XPNPEP1: variants seen among roughly 807,000 people sequenced by gnomAD.
XPNPEP1 encodes the protein X-prolyl aminopeptidase 1.
In XPNPEP1, 39 loss-of-function variants were observed where a neutral mutation model predicts 92.4. The observed-to-expected ratio is 0.42, with a 90% CI of 0.33 to 0.55. The LOEUF (loss-of-function observed/expected upper bound fraction) is 0.55, where lower values mean the gene tolerates loss of function less well. XPNPEP1 is among the 20% of genes least tolerant of loss of function. The pLI, the probability that XPNPEP1 is intolerant of heterozygous loss-of-function variation, is 0.08. For missense variants in XPNPEP1, 654 were observed against 856.1 expected (o/e 0.76, Z 2.95); for synonymous variants, 307 against 299.4 (o/e 1.03, Z -0.26).
chr10:109,896,085 C>T (rs1394427572), intron 3 of XPNPEP1, among the ~76,000 whole-genome samples: 1 of 152,152 alleles, frequency 6.6e-6, no homozygotes, highest in Non-Finnish European at 1.5e-5. Flanking sequence ...TGCCTCAAGG[C>T]CTTGGCACAT....
intron 3 of XPNPEP1, among the ~76,000 whole-genome samples, chr10:109,900,762 A>T (rs1849244391): frequency 6.6e-6 from 1 of 152,026 alleles, no homozygotes; most frequent in Non-Finnish European, 1.5e-5. Flanking sequence ...GTCACTCTAA[A>T]ATCCTGATTC....
At chr10:109,882,311 C>T in intron 10 of XPNPEP1, 121 bp downstream of exon 10, 1 of 1,159,098 alleles carries the variant, frequency 8.6e-7, no homozygotes, top group Admixed American at 2.4e-5. Context: ...AAGGCCTCAT[C>T]CATGGAGACC....
intron 1 of XPNPEP1, among the ~76,000 whole-genome samples, chr10:109,921,312 A>T (rs1850525364): frequency 1.3e-5 from 2 of 152,160 alleles, no homozygotes; most frequent in African/African-American, 4.8e-5. Context: ...CAGCCTCCCA[A>T]CATCCAGCTC....
At chr10:109,918,634 G>A (rs570224572) in intron 1 of XPNPEP1, among the ~76,000 whole-genome samples, 2 of 151,616 alleles carry the variant, frequency 1.3e-5, no homozygotes, top group East Asian at 1.9e-4. Flanking sequence ...GGTGGCGGGC[G>A]CATGTAGTCC....
intron 9 of XPNPEP1, 73 bp downstream of exon 9, chr10:109,883,994 C>A: frequency 7.2e-7 from 1 of 1,386,536 alleles, no homozygotes. Flanking sequence ...ATGGGTGGGC[C>A]AGGACCAGAA....
At position 109,867,751 on chromosome 10, in the gene XPNPEP1, G is replaced by A. The variant is rs941536367; in HGVS notation, c.1872+863C>T. Reference sequence around the variant, plus strand: ...ATTCTTATTCCGAGAGTAACCCACCGTGCTTACCCTGCCTTCGGCTCCCAC... The same window carrying A: ...ATTCTTATTCCGAGAGTAACCCACCATGCTTACCCTGCCTTCGGCTCCCAC... On this transcript the variant is annotated intron_variant, in intron 20 of 20. Transcript: ENST00000502935. The surrounding 1 kb of genome is among the most constrained non-coding windows in gnomAD (Gnocchi z 4.5). Among the ~76,000 whole-genome samples, 3 of 152,216 alleles carry A rather than the reference G, an allele frequency of 2.0e-5. No homozygotes were observed. Among genetic ancestry groups the A allele is most frequent in the African/African-American group, 4.8e-5 (2 of 41,460 alleles).
chr10:109,871,477 A>G (rs1192908668), intron 17 of XPNPEP1, among the ~76,000 whole-genome samples: 1 of 152,200 alleles, frequency 6.6e-6, no homozygotes, highest in African/African-American at 2.4e-5. Flanking sequence ...GGCTGCACCA[A>G]CTTCCACTCA....
In XPNPEP1 at chr10:109,867,346, T is replaced by C. The variant is rs978687763; in HGVS notation, c.1872+1268A>G. Among the ~76,000 whole-genome samples, 3 of 152,236 alleles carry C rather than the reference T, an allele frequency of 2.0e-5. No individual in the cohort carries two copies. Among genetic ancestry groups the C allele is most frequent in the African/African-American group, 4.8e-5 (2 of 41,458 alleles). On this transcript the variant is annotated intron_variant, in intron 20 of 20. Coordinates refer to ENST00000502935, the MANE Select transcript of XPNPEP1 (RefSeq NM_020383.4). This position sits in a 1 kb window ranked among gnomAD's most constrained non-coding sequence, Gnocchi z 4.5. ...AGAGACACACCAGACATTGTGCTGA[T>C]AGGCTGAGTTTCCTTTTCCATATCC...
chr10:109,896,694 T>C (rs1246095624), intron 3 of XPNPEP1, among the ~76,000 whole-genome samples: 1 of 151,976 alleles, frequency 6.6e-6, no homozygotes, highest in African/African-American at 2.4e-5. Context: ...TCAGCACAGG[T>C]GACTAGATCC....
In XPNPEP1 at chr10:109,886,252, T is replaced by C; in HGVS notation, c.742A>G (p.Ile248Val). Reference sequence around the variant, plus strand: ...GCGAAACCAGAGCACTCACACGCAATCTCATCCAAGGCAGTGACCACAAAC... The same window carrying C: ...GCGAAACCAGAGCACTCACACGCAACCTCATCCAAGGCAGTGACCACAAAC... ...MWFVVTALDE[I>V]AWLFNLRGSD... is the part of the protein sequence containing the mutation. The change falls in exon 8 of 21, where the codon ATT (isoleucine) becomes GTT (valine). Residue 248 changes from isoleucine (I) to valine (V), a missense_variant. By Grantham distance (29) the Ile-to-Val change is conservative (BLOSUM62 3). Transcript: ENST00000502935. 5.6e-6 allele frequency: 9 copies of C among 1,614,070 alleles called. No individual in the cohort carries two copies. The highest frequency in any genetic ancestry group is 7.6e-6 in the Non-Finnish European group (9 of 1,179,992).
intron 13 of XPNPEP1, 33 bp from the exon 14 acceptor site, chr10:109,877,900 A>C: frequency 6.2e-7 from 1 of 1,614,194 alleles, no homozygotes. Flanking sequence ...AGAGTGGCTT[A>C]AAGGTTTTTA....
At chr10:109,893,626 C>CT (rs1848821450) in intron 3 of XPNPEP1, 1 of 152,698 alleles carries the variant, frequency 6.5e-6, no homozygotes, top group South Asian at 2.1e-4. Context: ...ATCCAGGAGG[C>CT]TTCAGCAAAA....
chr10:109,880,799 G>T, intron 11 of XPNPEP1, 43 bp downstream of exon 11: 2 of 1,595,782 alleles, frequency 1.3e-6, no homozygotes, highest in South Asian at 2.2e-5. Flanking sequence ...CGGGCCTTCT[G>T]ACCACCTCAC....
chr10:109,876,371 A>C (rs932128967), intron 14 of XPNPEP1: 5 of 152,208 alleles, frequency 3.3e-5, no homozygotes, highest in African/African-American at 1.2e-4. Flanking sequence ...TCCACACACA[A>C]GCTGAACAAC....
intron 1 of XPNPEP1, among the ~76,000 whole-genome samples, chr10:109,918,739 C>T (rs1177877636): frequency 6.7e-6 from 1 of 149,066 alleles, no homozygotes; most frequent in Non-Finnish European, 1.5e-5. Context: ...CCAGCCTGGG[C>T]GACAGAGCAA....
At position 109,875,580 on chromosome 10, in the gene XPNPEP1, T is replaced by C. The variant is rs775738875; in HGVS notation, c.1339A>G (p.Arg447Gly). The change falls in exon 15 of 21, where the codon AGG becomes GGG. Residue 447 changes from arginine (R) to glycine (G), a missense_variant. Physicochemically the swap from Arg to Gly is moderately radical, Grantham distance 125. Transcript: ENST00000502935. ...IHYAPVPETN[R>G]TLSLDEVYLI... ...TACACCTCATCCAGGGACAAGGTCC[T>C]ATTCGTCTCAGGGACTGGCCTAACA... 6.2e-7 allele frequency: 1 copy of C among 1,614,184 alleles called. No individual in the cohort carries two copies. The highest frequency in any genetic ancestry group is 1.7e-5 in the Admixed American group (1 of 60,034).
chr10:109,900,841 C>T (rs1171296016), intron 3 of XPNPEP1, among the ~76,000 whole-genome samples: 1 of 152,192 alleles, frequency 6.6e-6, no homozygotes, highest in African/African-American at 2.4e-5. Context: ...CCACTGTTCT[C>T]CCTTCTTCAA....
rs1224100971 is a variant in XPNPEP1 at position 109,888,512 on chromosome 10, T to C, written c.499A>G (p.Ile167Val). Residue 167 changes from isoleucine to valine, a missense_variant, in exon 6 of 21, where the codon ATT (isoleucine) becomes GTT (valine). Physicochemically the swap from Ile to Val is conservative, Grantham distance 29 (BLOSUM62 3). Transcript: ENST00000502935. ...GSRVGVDPLI[I>V]PTDYWKKMAK... ...GACCAAGCTCACTTACCTGTAGGAA[T>C]GATCAAGGGGTCCACACCAACCCTG... The C allele has an allele frequency of 6.2e-7, 1 of 1,610,244 alleles. No individual in the cohort carries two copies. The highest frequency in any genetic ancestry group is 1.7e-5 in the Admixed American group (1 of 59,670).
chr10:109,914,567 C>T (rs1365249355), intron 2 of XPNPEP1, among the ~76,000 whole-genome samples: 1 of 151,492 alleles, frequency 6.6e-6, no homozygotes, highest in Admixed American at 6.6e-5. Context: ...GAGGCCAAGG[C>T]GGGCAGATCA....
Sources: gnomAD v4.1 joint callset for allele counts (sites outside exome capture counted in the v4.1 genomes callset) on GRCh38, gnomAD v4.1.1 for gene constraint, Gnocchi (gnomAD v3.1) non-coding constraint, MANE v1.5 for transcripts, NCBI Gene and HGNC (gene_info 2026-07-23, HGNC 2026-07-21) for gene names.